Variants in TNFRSF19 observed in about 807,000 individuals in gnomAD.
The protein encoded by TNFRSF19 is TNF receptor superfamily member 19.
TNFRSF19 carries 27 observed loss-of-function variants against 46.4 expected under a neutral mutation model. The observed-to-expected ratio is 0.58, with a 90% CI of 0.43 to 0.80. The LOEUF is 0.80. Among genes scored for constraint, TNFRSF19 ranks in the 30% least tolerant of loss-of-function variants. TNFRSF19 has a pLI of 0.00. For missense variants in TNFRSF19, 511 were observed against 530.8 expected, an observed-to-expected ratio of 0.96 and a Z score of 0.37; for synonymous variants, 204 against 205.0, an observed-to-expected ratio of 1.00 and a Z score of 0.04.
intron 1 of TNFRSF19, among the ~76,000 whole-genome samples, chr13:23,588,753 A>G (rs1319752583): frequency 6.6e-6 from 1 of 152,236 alleles, no homozygotes; most frequent in Non-Finnish European, 1.5e-5. Flanking sequence ...AGTAAGTTGC[A>G]TGGTTGAGTA....
At chr13:23,620,140 CTTTTCAAAGTG>C (rs1881557458) in intron 4 of TNFRSF19, among the ~76,000 whole-genome samples, 1 of 152,154 alleles carries the variant, frequency 6.6e-6, no homozygotes, top group Non-Finnish European at 1.5e-5. Flanking sequence ...TTACCCAGGT[CTTTTCAAAGTG>C]TTTTCAAAGT....
At chr13:23,584,805 A>T (rs1000465820) in intron 1 of TNFRSF19, among the ~76,000 whole-genome samples, 2 of 152,214 alleles carry the variant, frequency 1.3e-5, no homozygotes, top group Non-Finnish European at 2.9e-5. Flanking sequence ...AACAATACGT[A>T]TATTCTTAGC....
intron 5 of TNFRSF19, among the ~76,000 whole-genome samples, chr13:23,654,115 C>T (rs1883825442): frequency 6.6e-6 from 1 of 152,208 alleles, no homozygotes; most frequent in South Asian, 2.1e-4. Flanking sequence ...TTCCCTTCCT[C>T]CCAAGCAGCC....
intron 4 of TNFRSF19, among the ~76,000 whole-genome samples, chr13:23,623,708 T>A (rs905389499): frequency 7.9e-5 from 12 of 152,144 alleles, no homozygotes; most frequent in Non-Finnish European, 1.2e-4. Context: ...AGTTCAGGGA[T>A]GATTAGTGAT....
chr13:23,644,223 T>A (rs1883190387), intron 5 of TNFRSF19, among the ~76,000 whole-genome samples: 1 of 152,244 alleles, frequency 6.6e-6, no homozygotes. Context: ...CTGGTTTTGA[T>A]GTGCCCTCAG....
chr13:23,625,325 TC>T lies in TNFRSF19; in HGVS notation c.360-1381del, dbSNP rs1281814833. On this transcript the variant is annotated intron_variant, in intron 4 of 9. Coordinates refer to ENST00000248484, the MANE Select transcript of TNFRSF19 (RefSeq NM_148957.4). Reference sequence around the variant, plus strand: ...TTCATAAACAATGCTGTGATTGTATTCTTTTTTTTTTTTTTTTTTTTGAGAC... The same window carrying T: ...TTCATAAACAATGCTGTGATTGTATTTTTTTTTTTTTTTTTTTTTTGAGAC... 7.1e-3 allele frequency among the ~76,000 whole-genome samples: 797 copies of T among 112,836 alleles called. 7 individuals are homozygous for T. Among genetic ancestry groups the T allele is most frequent in the Non-Finnish European group, 0.012 (611 of 51,456 alleles). The allele number at this position is 112,836 out of a possible 152,430, so 74.0% of individuals were successfully genotyped here. A position where few individuals can be genotyped will look rare whatever the true frequency, so the allele number is the denominator to read the frequency against.
intron 1 of TNFRSF19, among the ~76,000 whole-genome samples, chr13:23,581,127 C>CTTTTTTTTTT (rs1226042943): frequency 2.4e-5 from 3 of 123,246 alleles, no homozygotes; most frequent in African/African-American, 8.8e-5. Flanking sequence ...TTCTTTTTTT[C>CTTTTTTTTTT]TTTTCTTTTT....
intron 4 of TNFRSF19, among the ~76,000 whole-genome samples, chr13:23,623,932 A>G (rs1267271656): frequency 2.6e-5 from 4 of 152,082 alleles, no homozygotes; most frequent in African/African-American, 9.7e-5. Flanking sequence ...AGGAATGTTT[A>G]TGTCCTCTGA....
rs550536690 is a variant in TNFRSF19 at position 23,673,613 on chromosome 13, T to G, written c.*233T>G. ...GACTCCAGGCCGACTCATGATACTC[T>G]GCATCTTTCCTACATGAGAAGCTTC... On this transcript the variant is annotated 3_prime_UTR_variant, in exon 10 of 10. Transcript: ENST00000248484. 1.1e-5 allele frequency: 13 copies of G among 1,190,148 alleles called. No individual in the cohort carries two copies. The East Asian group carries it at 3.9e-4, about 35-fold the overall frequency. The allele number at this position is 1,190,148 out of a possible 1,614,324, so 73.7% of individuals were successfully genotyped here.
intron 5 of TNFRSF19, among the ~76,000 whole-genome samples, chr13:23,653,441 T>C (rs1883776729): frequency 6.6e-6 from 1 of 152,112 alleles, no homozygotes; most frequent in African/African-American, 2.4e-5. Flanking sequence ...TGATCGTCAG[T>C]GCTGTGAAGG....
At chr13:23,583,421 T>C (rs192988532) in intron 1 of TNFRSF19, among the ~76,000 whole-genome samples, 21 of 152,340 alleles carry the variant, frequency 1.4e-4, no homozygotes, top group African/African-American at 5.1e-4. Flanking sequence ...TTCTTGGTAT[T>C]TTATGTGTCT....
At chr13:23,575,339 G>A in intron 1 of TNFRSF19, among the ~76,000 whole-genome samples, 1 of 152,200 alleles carries the variant, frequency 6.6e-6, no homozygotes, top group East Asian at 1.9e-4. Context: ...TATAAAAATA[G>A]CCTCCTTGGG....
At chr13:23,661,610 A>G (rs1884373580) in intron 7 of TNFRSF19, among the ~76,000 whole-genome samples, 1 of 152,226 alleles carries the variant, frequency 6.6e-6, no homozygotes. Flanking sequence ...TCTTTGAGGA[A>G]TTGCCACACT....
chr13:23,632,328 C>T (rs1882407762), intron 5 of TNFRSF19, among the ~76,000 whole-genome samples: 1 of 152,144 alleles, frequency 6.6e-6, no homozygotes, highest in South Asian at 2.1e-4. Context: ...GAAGGGGTGG[C>T]TTCTTATAGG....
intron 8 of TNFRSF19, 40 bp from the exon 9 acceptor site, chr13:23,668,652 C>T (rs375766440): frequency 3.8e-6 from 6 of 1,560,642 alleles, no homozygotes; most frequent in Non-Finnish European, 5.2e-6. Context: ...GTGTTTTTCT[C>T]CCCATCAAAA....
intron 7 of TNFRSF19, among the ~76,000 whole-genome samples, chr13:23,661,522 T>C (rs1467689679): frequency 6.6e-6 from 1 of 152,242 alleles, no homozygotes; most frequent in Non-Finnish European, 1.5e-5. Flanking sequence ...TGTGTCTTTA[T>C]GGTAGAGTGA....
chr13:23,636,577 G>A (rs1459508890), intron 5 of TNFRSF19, among the ~76,000 whole-genome samples: 2 of 152,196 alleles, frequency 1.3e-5, no homozygotes, highest in Non-Finnish European at 2.9e-5. Flanking sequence ...TTAAGATTCC[G>A]ATGCTGCAGG....
chr13:23,614,936 G>A (rs982442184), intron 3 of TNFRSF19, among the ~76,000 whole-genome samples: 1 of 151,988 alleles, frequency 6.6e-6, no homozygotes, highest in Non-Finnish European at 1.5e-5. Flanking sequence ...TGGCAGTGCT[G>A]CCCTGATTGG....
chr13:23,615,726 C>G, intron 3 of TNFRSF19, 141 bp from the exon 4 acceptor site: 1 of 736,596 alleles, frequency 1.4e-6, no homozygotes, highest in Non-Finnish European at 2.0e-6. Flanking sequence ...CACATTTGAA[C>G]TTGCTGAAAG....
Sources: allele counts gnomAD v4.1 joint callset (sites outside exome capture counted in the v4.1 genomes callset), GRCh38; gene constraint gnomAD v4.1.1; transcripts MANE v1.5; gene names NCBI Gene and HGNC (gene_info 2026-07-23, HGNC 2026-07-21).